Variants in EPDR1 observed in about 807,000 individuals in gnomAD.
EPDR1 encodes mammalian ependymin-related protein 1.
Under a neutral mutation model 23.7 loss-of-function variants are expected in EPDR1, and 27 were observed. The observed-to-expected ratio is 1.14, with a 90% confidence interval of 0.84 to 1.57. The LOEUF (loss-of-function observed/expected upper bound fraction) is 1.57. Ranked by LOEUF, EPDR1 falls within the 40% of genes most tolerant of loss-of-function variation. The probability of loss-of-function intolerance (pLI) is 0.00; values close to 1 mark genes in which losing one functional copy is unlikely to be tolerated. For synonymous variants in EPDR1, 137 were observed against 118.2 expected, an observed-to-expected ratio of 1.16 and a Z score of -1.03; for missense variants, 349 against 290.4, an observed-to-expected ratio of 1.20 and a Z score of -1.47.
At chr7:37,943,847 C>A (rs1331849032) in intron 1 of EPDR1, among the ~76,000 whole-genome samples, 3 of 152,144 alleles carry the variant, frequency 2.0e-5, no homozygotes. Context: ...AATTTTACTT[C>A]TGTATGTGGG....
At chr7:37,926,919 C>A in intron 1 of EPDR1, 1 of 247,818 alleles carries the variant, frequency 4.0e-6, no homozygotes, top group South Asian at 4.5e-5. Context: ...TAATTTTGTT[C>A]TATTTGCTCT....
At chr7:37,921,283 C>A (rs1290797233) in intron 1 of EPDR1, 75 bp downstream of exon 1, 13 of 1,494,488 alleles carry the variant, frequency 8.7e-6, no homozygotes, top group Non-Finnish European at 1.1e-5. Context: ...CAGAGGCCTG[C>A]GCCCTGTAAC....
intron 2 of EPDR1, among the ~76,000 whole-genome samples, 195 bp downstream of exon 2, chr7:37,949,243 C>G (rs1445644886): frequency 6.6e-6 from 1 of 152,196 alleles, no homozygotes; most frequent in African/African-American, 2.4e-5. Context: ...AACACCTCAG[C>G]CTTCTAGTGC....
chr7:37,936,039 T>TATATACACACAC (rs57925993), intron 1 of EPDR1, among the ~76,000 whole-genome samples: 1 of 80,940 alleles, frequency 1.2e-5, no homozygotes, highest in African/African-American at 4.3e-5. Context: ...TATATATATA[T>TATATACACACAC]ACACAAGGGA....
chr7:37,922,977 G>A (rs973924187), intron 1 of EPDR1, among the ~76,000 whole-genome samples: 31 of 152,160 alleles, frequency 2.0e-4, no homozygotes, highest in African/African-American at 7.2e-4. Flanking sequence ...GCTGGTCCAG[G>A]GGGATGCAGG....
At chr7:37,946,907 A>T (rs1387112541) in intron 1 of EPDR1, among the ~76,000 whole-genome samples, 2 of 152,244 alleles carry the variant, frequency 1.3e-5, no homozygotes, top group Admixed American at 1.3e-4. Context: ...TCTTACTACA[A>T]AAGAGTCAAA....
intron 1 of EPDR1, among the ~76,000 whole-genome samples, chr7:37,939,415 T>C (rs1786125873): frequency 6.6e-6 from 1 of 152,228 alleles, no homozygotes; most frequent in Non-Finnish European, 1.5e-5. Context: ...TTTCAAGCAA[T>C]GTCACATAGA....
At position 37,951,055 on chromosome 7, in the gene EPDR1, G is replaced by C. The variant is rs566843318; in HGVS notation, c.*659G>C. Reference sequence around the variant, plus strand: ...TTATTCCTCTAAAGAAACATTTTGAGCAAGGCAGTTTAGAGAATCCTAATG... The same window carrying C: ...TTATTCCTCTAAAGAAACATTTTGACCAAGGCAGTTTAGAGAATCCTAATG... On this transcript the variant is annotated 3_prime_UTR_variant, in exon 3 of 3. Transcript: ENST00000199448. The C allele has an allele frequency of 6.6e-6, 1 of 152,318 alleles. No individual in the cohort carries two copies. The highest frequency in any genetic ancestry group is 2.1e-4 in the South Asian group (1 of 4,832). 9.4% of individuals were successfully genotyped at this position (152,318 alleles called of 1,614,324 possible). A position where few individuals can be genotyped will look rare whatever the true frequency, so the allele number is the denominator to read the frequency against.
intron 1 of EPDR1, among the ~76,000 whole-genome samples, chr7:37,927,900 G>T (rs1314474328): frequency 6.6e-6 from 1 of 152,150 alleles, no homozygotes; most frequent in African/African-American, 2.4e-5. Flanking sequence ...GATCCTCAAA[G>T]AATAAACCAT....
At chr7:37,931,761 C>T (rs566265809) in intron 1 of EPDR1, among the ~76,000 whole-genome samples, 10 of 152,230 alleles carry the variant, frequency 6.6e-5, no homozygotes, top group Admixed American at 2.0e-4. Context: ...TGAAGTGGCA[C>T]AATCTCGGCT....
At chr7:37,923,378 C>T (rs1026833778) in intron 1 of EPDR1, among the ~76,000 whole-genome samples, 3 of 151,874 alleles carry the variant, frequency 2.0e-5, no homozygotes, top group Non-Finnish European at 1.5e-5. Flanking sequence ...TTGTGGCAGG[C>T]GTGGTGAGGG....
chr7:37,948,672 A>T (rs1031624580), intron 1 of EPDR1, among the ~76,000 whole-genome samples, 168 bp from the exon 2 acceptor site: 4 of 152,112 alleles, frequency 2.6e-5, no homozygotes, highest in African/African-American at 4.8e-5. Flanking sequence ...TAATTATTTC[A>T]TATGCAGGTT....
chr7:37,949,143 C>G, intron 2 of EPDR1, 95 bp downstream of exon 2: 1 of 1,256,732 alleles, frequency 8.0e-7, no homozygotes, highest in Non-Finnish European at 1.1e-6. Context: ...GGGAAACATC[C>G]GCTTAATCAA....
At chr7:37,947,953 C>T (rs966261642) in intron 1 of EPDR1, among the ~76,000 whole-genome samples, 11 of 152,178 alleles carry the variant, frequency 7.2e-5, no homozygotes, top group Non-Finnish European at 2.9e-5. Flanking sequence ...GCTCTGGGGT[C>T]GCCTCAGCTT....
At chr7:37,923,020 G>A (rs1048051628) in intron 1 of EPDR1, among the ~76,000 whole-genome samples, 2 of 152,118 alleles carry the variant, frequency 1.3e-5, no homozygotes, top group Non-Finnish European at 2.9e-5. Flanking sequence ...GTGCCATCCC[G>A]GAGTTTTTAG....
At position 37,942,124 on chromosome 7, in the gene EPDR1, G is replaced by T. The variant is rs1328404848; in HGVS notation, c.270-6716G>T. On this transcript the variant is annotated intron_variant, in intron 1 of 2. Coordinates refer to ENST00000199448, the MANE Select transcript of EPDR1 (RefSeq NM_017549.5). ...TGATAGGCACTCATTTGCGTAAAATGAGTATAGTACATATTGAAAAATCAA... is the reference window on the plus strand; with the variant it reads ...TGATAGGCACTCATTTGCGTAAAATTAGTATAGTACATATTGAAAAATCAA... Among the ~76,000 whole-genome samples, 4 of 152,098 alleles carry T rather than the reference G, an allele frequency of 2.6e-5. 1 individual carries two copies. The highest frequency in any genetic ancestry group is 1.3e-4 in the Admixed American group (2 of 15,278).
intron 1 of EPDR1, among the ~76,000 whole-genome samples, chr7:37,930,763 G>A (rs1311481558): frequency 1.3e-5 from 2 of 152,262 alleles, no homozygotes; most frequent in South Asian, 2.1e-4. Flanking sequence ...ATTTATTTAG[G>A]TTCCACTTAG....
intron 1 of EPDR1, among the ~76,000 whole-genome samples, chr7:37,948,409 T>C (rs1422878927): frequency 6.6e-6 from 1 of 151,506 alleles, no homozygotes; most frequent in Non-Finnish European, 1.5e-5. Context: ...GGTGGCATGA[T>C]CATGGCTCAC....
At chr7:37,932,588 G>A (rs957810603) in intron 1 of EPDR1, among the ~76,000 whole-genome samples, 26 of 152,246 alleles carry the variant, frequency 1.7e-4, no homozygotes, top group East Asian at 7.7e-4. Flanking sequence ...AAGGGTTTGC[G>A]TGAGTTTATA....
Sources: allele counts gnomAD v4.1 joint callset (sites outside exome capture counted in the v4.1 genomes callset), GRCh38; gene constraint gnomAD v4.1.1; transcripts MANE v1.5; gene names NCBI Gene and HGNC (gene_info 2026-07-23, HGNC 2026-07-21).